The following SPACA7 variants were observed in gnomAD, a reference collection of about 807,000 sequenced individuals.
SPACA7 encodes the protein sperm acrosome-associated protein 7.
A neutral mutation model predicts 26.3 loss-of-function variants in SPACA7; 19 were observed. The ratio of observed to expected loss-of-function variants is 0.72; its 90% confidence interval spans 0.50 to 1.06. The LOEUF is 1.06. Ranked by LOEUF, SPACA7 falls within the 50% of genes least tolerant of loss-of-function variation. The pLI is 0.00. For synonymous variants in SPACA7, 84 were observed against 84.5 expected (o/e 0.99, Z 0.04); for missense variants, 211 against 229.9 (o/e 0.92, Z 0.53).
At chr13:112,430,174 C>CTCTGTGTGTGTG (rs1366577519) in intron 5 of SPACA7, among the ~76,000 whole-genome samples, 109 of 134,310 alleles carry the variant, frequency 8.1e-4, no homozygotes, top group South Asian at 2.5e-3. Context: ...ATCTCTCTCT[C>CTCTGTGTGTGTG]TGTGTGTGTG....
At chr13:112,391,564 A>G (rs1180281904) in intron 1 of SPACA7, among the ~76,000 whole-genome samples, 2 of 152,216 alleles carry the variant, frequency 1.3e-5, no homozygotes, top group African/African-American at 2.4e-5. Flanking sequence ...GATTCTTACA[A>G]TTACATGGCG....
Position 112,426,187 on chromosome 13 carries a change from C to G in SPACA7, c.446-6257C>G, listed in dbSNP as rs1405152938. Among the ~76,000 whole-genome samples, 11 of 152,336 alleles carry G rather than the reference C, an allele frequency of 7.2e-5. No individual in the cohort carries two copies. In the East Asian group the frequency reaches 2.1e-3, roughly 29 times the overall value. ...CATTTGCTAAAAAATTCAACTTTCT[C>G]TCTTGAGTTGCCTTAGCATATTTGT... is the stretch of plus-strand genomic sequence containing the variant. On this transcript the variant is annotated intron_variant, in intron 5 of 6. Coordinates refer to ENST00000283550, the MANE Select transcript of SPACA7 (RefSeq NM_145248.5).
At chr13:112,380,071 G>A (rs1883945261) in intron 1 of SPACA7, among the ~76,000 whole-genome samples, 1 of 152,126 alleles carries the variant, frequency 6.6e-6, no homozygotes, top group Non-Finnish European at 1.5e-5. Flanking sequence ...TTGTTTCCTA[G>A]TAAGACTACT....
At chr13:112,405,491 T>C (rs1288481612) in intron 5 of SPACA7, among the ~76,000 whole-genome samples, 2 of 152,334 alleles carry the variant, frequency 1.3e-5, no homozygotes, top group South Asian at 4.1e-4. Context: ...GTCTTTGTTT[T>C]TCATAATAAT....
chr13:112,396,445 G>C (rs1885261204), intron 2 of SPACA7, among the ~76,000 whole-genome samples: 1 of 152,198 alleles, frequency 6.6e-6, no homozygotes, highest in African/African-American at 2.4e-5. Context: ...CTGACCTGCT[G>C]TGCCTGGTCA....
intron 1 of SPACA7, chr13:112,382,345 G>A (rs906118085): frequency 4.9e-5 from 69 of 1,404,002 alleles, no homozygotes; most frequent in East Asian, 4.3e-4. Context: ...TGGTCCGCCC[G>A]CCTCAGCCTC....
At chr13:112,382,558 TG>T in intron 1 of SPACA7, 3 of 1,537,710 alleles carry the variant, frequency 2.0e-6, no homozygotes, top group Non-Finnish European at 2.6e-6. Flanking sequence ...CATGCAGGCC[TG>T]GCTGGGCTTC....
chr13:112,416,362 C>T (rs1886695326), intron 5 of SPACA7, among the ~76,000 whole-genome samples: 1 of 152,080 alleles, frequency 6.6e-6, no homozygotes, highest in Non-Finnish European at 1.5e-5. Context: ...TCTCAGCTTA[C>T]TGCAACCTAT....
At chr13:112,404,145 T>C (rs917433495) in intron 5 of SPACA7, among the ~76,000 whole-genome samples, 5 of 152,226 alleles carry the variant, frequency 3.3e-5, no homozygotes, top group Non-Finnish European at 5.9e-5. Flanking sequence ...TATAGCATTG[T>C]GGTTTTGATT....
At chr13:112,422,162 G>T (rs1876050782) in intron 5 of SPACA7, among the ~76,000 whole-genome samples, 1 of 152,138 alleles carries the variant, frequency 6.6e-6, no homozygotes, top group Non-Finnish European at 1.5e-5. Flanking sequence ...ATCAGACAAA[G>T]TTGACTTCAA....
intron 5 of SPACA7, among the ~76,000 whole-genome samples, chr13:112,419,544 T>C (rs1886890371): frequency 6.6e-6 from 1 of 152,138 alleles, no homozygotes; most frequent in Admixed American, 6.6e-5. Context: ...CAAGCAAAGA[T>C]CTATGACTTC....
chr13:112,418,946 C>T (rs1886853217), intron 5 of SPACA7, among the ~76,000 whole-genome samples: 1 of 151,852 alleles, frequency 6.6e-6, no homozygotes, highest in Admixed American at 6.6e-5. Context: ...TCACTTGAAC[C>T]CAGGAGGCAG....
intron 1 of SPACA7, among the ~76,000 whole-genome samples, chr13:112,376,866 C>G (rs1367123010): frequency 6.6e-6 from 1 of 152,138 alleles, no homozygotes; most frequent in Non-Finnish European, 1.5e-5. Flanking sequence ...ATCCCAGATG[C>G]CTTACCACCT....
chr13:112,407,516 C>CA (rs1298215007), intron 5 of SPACA7, among the ~76,000 whole-genome samples: 1 of 151,880 alleles, frequency 6.6e-6, no homozygotes, highest in East Asian at 1.9e-4. Context: ...ACAGACGCAA[C>CA]AAAAAATGGT....
At chr13:112,381,301 G>T (rs1228957050) in intron 1 of SPACA7, among the ~76,000 whole-genome samples, 1 of 151,936 alleles carries the variant, frequency 6.6e-6, no homozygotes, top group Admixed American at 6.6e-5. Context: ...ACCAGCCTGG[G>T]AAATATGGTG....
chr13:112,430,172 CTCTGTG>C (rs1421093599), intron 5 of SPACA7, among the ~76,000 whole-genome samples: 2 of 122,774 alleles, frequency 1.6e-5, no homozygotes, highest in African/African-American at 5.9e-5. Context: ...GCATCTCTCT[CTCTGTG>C]TGTGTGTGTG....
chr13:112,392,998 G>C (rs749318048), intron 1 of SPACA7, 23 bp from the exon 2 acceptor site: 1 of 1,600,112 alleles, frequency 6.2e-7, no homozygotes, highest in Non-Finnish European at 8.6e-7. Flanking sequence ...TTGTTAAACT[G>C]TAGGGTTTTT....
chr13:112,391,788 C>G (rs1278012), intron 1 of SPACA7, among the ~76,000 whole-genome samples: 1 of 152,018 alleles, frequency 6.6e-6, no homozygotes, highest in Non-Finnish European at 1.5e-5. Context: ...AAAGCACTTG[C>G]ACGATGCAGC....
intron 5 of SPACA7, among the ~76,000 whole-genome samples, chr13:112,405,769 T>C (rs1885950426): frequency 6.6e-6 from 1 of 152,186 alleles, no homozygotes. Flanking sequence ...AATTCTCTAT[T>C]ATAAATATTT....
Sources: allele counts gnomAD v4.1 joint callset (sites outside exome capture counted in the v4.1 genomes callset), GRCh38; gene constraint gnomAD v4.1.1; transcripts MANE v1.5; gene names NCBI Gene and HGNC (gene_info 2026-07-23, HGNC 2026-07-21).